ZNF175: variants seen among roughly 807,000 people sequenced by gnomAD.
The protein encoded by ZNF175 is zinc finger protein OTK18.
In ZNF175, 8 loss-of-function variants were observed where a neutral mutation model predicts 14.0. That is an observed-to-expected ratio of 0.57 (90% confidence interval 0.34 to 1.03). The LOEUF is 1.03. Ranked by LOEUF, ZNF175 falls within the 50% of genes least tolerant of loss-of-function variation. The pLI, the probability that ZNF175 is intolerant of heterozygous loss-of-function variation, is 0.03. For missense variants in ZNF175, 764 were observed against 849.5 expected, an observed-to-expected ratio of 0.90 and a Z score of 1.25; for synonymous variants, 255 against 296.8, an observed-to-expected ratio of 0.86 and a Z score of 1.45.
In ZNF175 at chr19:51,573,511, G is replaced by A. The variant is rs539130177; in HGVS notation, c.72+110G>A. 140 of 954,272 alleles carry A rather than the reference G, an allele frequency of 1.5e-4. 3 individuals are homozygous for A. In the African/African-American group the frequency reaches 2.0e-3, roughly 13 times the overall value. 59.1% of individuals were successfully genotyped at this position (954,272 alleles called of 1,614,324 possible). ...GTCAGTCTTGAGCCTCCTGTCAAGC[G>A]AGGACCACAGAGGCTGATGTTTCCA... is the stretch of plus-strand genomic sequence containing the variant. On this transcript the variant is annotated intron_variant, in intron 2 of 4. Transcript: ENST00000262259.
Position 51,590,580 on chromosome 19 carries a change from C to G in ZNF175, c.*2113C>G, listed in dbSNP as rs2122582620. Reference sequence around the variant, plus strand: ...CAGCTGGTCAGGAACCAGCACAGACCTCAGGCTGTGTCTAAAACAAGGTGA... The same window carrying G: ...CAGCTGGTCAGGAACCAGCACAGACGTCAGGCTGTGTCTAAAACAAGGTGA... On this transcript the variant is annotated 3_prime_UTR_variant, in exon 5 of 5. Transcript: ENST00000262259. The G allele has an allele frequency of 6.6e-6, 1 of 152,388 alleles. No homozygotes were observed. The highest frequency in any genetic ancestry group is 1.5e-5 in the Non-Finnish European group (1 of 68,090). The allele number at this position is 152,388 out of a possible 1,614,324, so 9.4% of individuals were successfully genotyped here. A position where few individuals can be genotyped will look rare whatever the true frequency, so the allele number is the denominator to read the frequency against.
rs755499691 is a variant in ZNF175 at position 51,588,160 on chromosome 19, C to A, written c.1829C>A (p.Thr610Asn). ...TTCCATAAACATCAAATAACTCACA[C>A]TAGAGAGAGGCCTTTTGTCTGTTAC... ...SNFHKHQITHTRERPFVCYKC... is the reference protein window; with the variant it reads ...SNFHKHQITHNRERPFVCYKC... The change falls in exon 5 of 5, where the codon ACT becomes AAT. Residue 610 changes from threonine to asparagine, a missense_variant. Coordinates refer to ENST00000262259, the MANE Select transcript of ZNF175 (RefSeq NM_007147.4). The A allele has an allele frequency of 1.2e-6, 2 of 1,614,098 alleles. No homozygotes were observed. The highest frequency in any genetic ancestry group is 1.7e-4 in the Middle Eastern group (1 of 6,060).
intron 4 of ZNF175, 81 bp downstream of exon 4, chr19:51,581,963 A>C: frequency 7.6e-7 from 1 of 1,322,064 alleles, no homozygotes; most frequent in East Asian, 2.4e-5. Flanking sequence ...TATTCCCTCC[A>C]TTCCCCCAGT....
chr19:51,584,192 G>A (rs1982098255), intron 4 of ZNF175, among the ~76,000 whole-genome samples: 1 of 152,138 alleles, frequency 6.6e-6, no homozygotes. Flanking sequence ...TGGGAAGCAT[G>A]GATAGCAAAT....
Position 51,588,599 on chromosome 19 carries a change from G to A in ZNF175, c.*132G>A. 1 of 999,780 alleles carries A rather than the reference G, an allele frequency of 1.0e-6. No individual in the cohort carries two copies. The highest frequency in any genetic ancestry group is 1.6e-5 in the African/African-American group (1 of 60,696). The allele number at this position is 999,780 out of a possible 1,614,324, so 61.9% of individuals were successfully genotyped here. A position where few individuals can be genotyped will look rare whatever the true frequency, so the allele number is the denominator to read the frequency against. On this transcript the variant is annotated 3_prime_UTR_variant, in exon 5 of 5. Transcript: ENST00000262259. The stretch of plus-strand genomic sequence containing the variant: ...TTCAGAAAAACTCTAGGGATGCACT[G>A]CATGTGTGAACACATGATAAAAAAG...
chr19:51,576,181 G>T (rs1378187470), intron 2 of ZNF175, among the ~76,000 whole-genome samples: 2 of 136,308 alleles, frequency 1.5e-5, no homozygotes, highest in Non-Finnish European at 1.5e-5. Context: ...ACAGAGTTTC[G>T]CTCTTGTCTC....
rs1340553126 is a variant in ZNF175, at chr19:51,588,459, A to T, written c.2128A>T (p.Lys710Ter). Residue 710 changes from lysine (K) to a stop codon, truncating the protein, a stop_gained, in exon 5 of 5, where the codon AAG (lysine) becomes TAG (stop). Transcript: ENST00000262259. LOFTEE classifies it high-confidence loss of function. ...CAGTTATTCTGTGAAAGGCTTTACC[A>T]AGCAATGAATTCCTAGTGCATCAGC... ...KCSYSVKGFT[K>*]Q 1 of 1,545,882 alleles carries T rather than the reference A, an allele frequency of 6.5e-7. No homozygotes were observed. Among genetic ancestry groups the T allele is most frequent in the Non-Finnish European group, 8.7e-7 (1 of 1,152,034 alleles).
chr19:51,573,467 C>T (rs1981664883), intron 2 of ZNF175, 66 bp downstream of exon 2: 1 of 1,496,520 alleles, frequency 6.7e-7, no homozygotes, highest in African/African-American at 1.4e-5. Context: ...TGCAGCAGGT[C>T]TGGGCTCCCT....
chr19:51,580,933 C>T (rs1369396162), intron 2 of ZNF175, among the ~76,000 whole-genome samples: 1 of 152,212 alleles, frequency 6.6e-6, no homozygotes, highest in African/African-American at 2.4e-5. Context: ...CCTTCCCCAA[C>T]AGTGTCCTCT....
rs1219254675 is a variant in ZNF175 at position 51,587,585 on chromosome 19, G to A, written c.1254G>A (p.Gln418=). ...AGAAAATTCATACTGGTGAGAGACAGTATGCATGCAGTGAATGTGGGAAAG... is the reference window on the plus strand; with the variant it reads ...AGAAAATTCATACTGGTGAGAGACAATATGCATGCAGTGAATGTGGGAAAG... ...IHQKIHTGER[Q]YACSECGKAF... The change falls in exon 5 of 5, where the codon CAG becomes CAA. Residue 418 remains glutamine, a synonymous_variant. Coordinates refer to ENST00000262259, the MANE Select transcript of ZNF175 (RefSeq NM_007147.4). The A allele has an allele frequency of 1.2e-6, 2 of 1,614,104 alleles. No individual in the cohort carries two copies. The highest frequency in any genetic ancestry group is 2.2e-5 in the East Asian group (1 of 44,878).
intron 2 of ZNF175, among the ~76,000 whole-genome samples, chr19:51,577,853 T>TG (rs375417710): frequency 0.019 from 2,863 of 151,478 alleles, 43 homozygotes; most frequent in Non-Finnish European, 0.032. Context: ...TTAGTAGAGA[T>TG]GGGGTTTCAC....
At chr19:51,583,782 A>G (rs1982086448) in intron 4 of ZNF175, among the ~76,000 whole-genome samples, 2 of 152,346 alleles carry the variant, frequency 1.3e-5, no homozygotes, top group Middle Eastern at 3.4e-3. Context: ...ATATACCTGA[A>G]TAGTTTTCAT....
At chr19:51,576,473 T>C (rs556208865) in intron 2 of ZNF175, among the ~76,000 whole-genome samples, 1 of 152,190 alleles carries the variant, frequency 6.6e-6, no homozygotes, top group South Asian at 2.1e-4. Context: ...TTAATCCTCA[T>C]AACTTTGCGA....
Position 51,590,531 on chromosome 19 carries a change from C to T in ZNF175, c.*2064C>T, listed in dbSNP as rs1177468956. On this transcript the variant is annotated 3_prime_UTR_variant, in exon 5 of 5. Transcript: ENST00000262259. The stretch of plus-strand genomic sequence containing the variant: ...ACCCATGGCTTTAGTCTCCATACCC[C>T]TTCAAGGTTGATAGGGGCCCACACA... 6.6e-6 allele frequency: 1 copy of T among 152,222 alleles called. No individual in the cohort carries two copies. Among genetic ancestry groups the T allele is most frequent in the African/African-American group, 2.4e-5 (1 of 41,442 alleles). The allele number at this position is 152,222 out of a possible 1,614,324, so 9.4% of individuals were successfully genotyped here.
chr19:51,586,601 ATTTCATCTTCTCTTTCTCCT>A lies in ZNF175; in HGVS notation c.296-22_296-3del. The A allele has an allele frequency of 3.2e-6, 5 of 1,556,090 alleles. No homozygotes were observed. Among genetic ancestry groups the A allele is most frequent in the Non-Finnish European group, 4.3e-6 (5 of 1,155,724 alleles). On this transcript the variant is annotated splice_region_variant and splice_polypyrimidine_tract_variant and intron_variant, in intron 4 of 4. Coordinates refer to ENST00000262259, the MANE Select transcript of ZNF175 (RefSeq NM_007147.4). ...CTCCTCTTTCTTGTTCATTGTGTCT[ATTTCATCTTCTCTTTCTCCT>A]TTTAGAAAGGGAGTTTGGGCTTGAA... is the stretch of plus-strand genomic sequence containing the variant.
intron 4 of ZNF175, among the ~76,000 whole-genome samples, chr19:51,585,365 A>G (rs900082423): frequency 6.6e-6 from 1 of 152,234 alleles, no homozygotes; most frequent in Non-Finnish European, 1.5e-5. Flanking sequence ...GTTTTGCAAG[A>G]TGTAAAAGTT....
rs759781247 is a variant in ZNF175, at chr19:51,581,371, G to T, written c.73-20G>T. 1 of 1,614,164 alleles carries T rather than the reference G, an allele frequency of 6.2e-7. No individual in the cohort carries two copies. The highest frequency in any genetic ancestry group is 1.1e-5 in the South Asian group (1 of 91,086). Reference sequence around the variant, plus strand: ...CCAATGATGACCTAATTCACAGTGAGCTGGGGTACACTGTTACAGGCATCA... The same window carrying T: ...CCAATGATGACCTAATTCACAGTGATCTGGGGTACACTGTTACAGGCATCA... On this transcript the variant is annotated intron_variant, in intron 2 of 4. Coordinates refer to ENST00000262259, the MANE Select transcript of ZNF175 (RefSeq NM_007147.4).
Position 51,590,275 on chromosome 19 carries a change from G to T in ZNF175, c.*1808G>T, listed in dbSNP as rs947404404. 7 of 152,258 alleles carry T rather than the reference G, an allele frequency of 4.6e-5. No homozygotes were observed. The highest frequency in any genetic ancestry group is 1.7e-4 in the African/African-American group (7 of 41,418). The allele number at this position is 152,258 out of a possible 1,614,324, so 9.4% of individuals were successfully genotyped here. On this transcript the variant is annotated 3_prime_UTR_variant, in exon 5 of 5. Transcript: ENST00000262259. ...AAGTTATTTGGTCTCATCTATTCTG[G>T]TTTTCTCATCTACAAAAGGGAGATG...
In ZNF175 at chr19:51,591,929, T is replaced by A. The variant is rs577921539; in HGVS notation, c.*3462T>A. On this transcript the variant is annotated 3_prime_UTR_variant, in exon 5 of 5. Coordinates refer to ENST00000262259, the MANE Select transcript of ZNF175 (RefSeq NM_007147.4). ...GACTACAGGCGCCCACCACCATGCC[T>A]GGCTAATTTTTTGTATTTTTAGTAG... 6.6e-6 allele frequency: 1 copy of A among 151,682 alleles called. No individual in the cohort carries two copies. The highest frequency in any genetic ancestry group is 1.5e-5 in the Non-Finnish European group (1 of 67,866). 9.4% of individuals were successfully genotyped at this position (151,682 alleles called of 1,614,324 possible).
Sources: allele counts gnomAD v4.1 joint callset (sites outside exome capture counted in the v4.1 genomes callset), GRCh38; gene constraint gnomAD v4.1.1; transcripts MANE v1.5; gene names NCBI Gene and HGNC (gene_info 2026-07-23, HGNC 2026-07-21).